NUP214: variants seen among roughly 807,000 people sequenced by gnomAD.
NUP214 encodes nuclear pore complex protein Nup214.
In NUP214, 79 loss-of-function variants were observed where a neutral mutation model predicts 196.2. The observed-to-expected ratio is 0.40, with a 90% confidence interval of 0.34 to 0.49. The LOEUF (loss-of-function observed/expected upper bound fraction) is 0.49. Among genes scored for constraint, NUP214 ranks in the 20% least tolerant of loss-of-function variants. The pLI, the probability that NUP214 is intolerant of heterozygous loss-of-function variation, is 0.58. For missense variants in NUP214, 2,468 were observed against 2,539.0 expected (o/e 0.97, Z 0.60); for synonymous variants, 1,020 against 990.5 (o/e 1.03, Z -0.56).
At chr9:131,130,696 C>G (rs1588121300) in intron 4 of NUP214, 70 bp from the exon 5 acceptor site, 1 of 1,298,186 alleles carries the variant, frequency 7.7e-7, no homozygotes, top group East Asian at 2.3e-5. Context: ...TGATAATTAG[C>G]TGTGTGTGAT....
intron 6 of NUP214, 110 bp downstream of exon 6, chr9:131,132,769 A>T: frequency 1.1e-6 from 1 of 928,602 alleles, no homozygotes; most frequent in South Asian, 1.5e-5. Context: ...TGTTTGCTTT[A>T]TGAATAATGT....
At chr9:131,172,123 C>G (rs1441767529) in intron 21 of NUP214, among the ~76,000 whole-genome samples, 1 of 150,412 alleles carries the variant, frequency 6.6e-6, no homozygotes, top group African/African-American at 2.4e-5. Flanking sequence ...CCTGAGGAAT[C>G]GCCACACTGA....
Position 131,163,263 on chromosome 9 carries a change from A to G in NUP214, c.2723+90A>G, listed in dbSNP as rs542010156. Reference sequence around the variant, plus strand: ...AGAGTGGTTCAGATATGGGTTTGCAAGTGACTCTGTGTCTCTCACCTGTGT... The same window carrying G: ...AGAGTGGTTCAGATATGGGTTTGCAGGTGACTCTGTGTCTCTCACCTGTGT... On this transcript the variant is annotated intron_variant, in intron 19 of 35. Coordinates refer to ENST00000359428, the MANE Select transcript of NUP214 (RefSeq NM_005085.4). 3.9e-6 allele frequency: 5 copies of G among 1,297,798 alleles called. No homozygotes were observed. In the African/African-American group the frequency reaches 5.9e-5, roughly 15 times the overall value. 80.4% of individuals were successfully genotyped at this position (1,297,798 alleles called of 1,614,324 possible).
chr9:131,142,492 T>C (rs1243883742), intron 11 of NUP214, among the ~76,000 whole-genome samples: 1 of 152,288 alleles, frequency 6.6e-6, no homozygotes, highest in Non-Finnish European at 1.5e-5. Context: ...TCCACCTGTT[T>C]CTACACTGCA....
intron 30 of NUP214, among the ~76,000 whole-genome samples, chr9:131,210,404 C>T (rs548312962): frequency 2.7e-5 from 4 of 148,874 alleles, no homozygotes; most frequent in African/African-American, 7.8e-5. Context: ...CCAAGGCGGG[C>T]GGATCACGAG....
chr9:131,207,692 G>A (rs1280210414), intron 30 of NUP214, among the ~76,000 whole-genome samples: 1 of 152,218 alleles, frequency 6.6e-6, no homozygotes, highest in Non-Finnish European at 1.5e-5. Context: ...GTGACTAGAA[G>A]TATTGCTGTG....
chr9:131,163,292 C>T (rs1832695829), intron 19 of NUP214, 119 bp downstream of exon 19: 1 of 1,026,412 alleles, frequency 9.7e-7, no homozygotes, highest in African/African-American at 1.6e-5. Flanking sequence ...CCTGTGTAAT[C>T]CTGGTCAGGG....
In NUP214 at chr9:131,234,570, C is replaced by T. The variant is rs1423079425; in HGVS notation, c.*1083C>T. ...GTGCTTTGGCTTGGGTCATGAGCAG[C>T]GGGGAGTTGGGAAGAGATTTTTTTT... On this transcript the variant is annotated 3_prime_UTR_variant, in exon 36 of 36. Transcript: ENST00000359428. 3 of 230,384 alleles carry T rather than the reference C, an allele frequency of 1.3e-5. No homozygotes were observed. The highest frequency in any genetic ancestry group is 2.6e-5 in the Non-Finnish European group (3 of 116,770). 14.3% of individuals were successfully genotyped at this position (230,384 alleles called of 1,614,324 possible).
intron 5 of NUP214, among the ~76,000 whole-genome samples, chr9:131,131,074 C>G (rs1831530809): frequency 6.6e-6 from 1 of 152,160 alleles, no homozygotes; most frequent in Non-Finnish European, 1.5e-5. Context: ...TACAAATAGT[C>G]TATGGGTAGC....
intron 24 of NUP214, among the ~76,000 whole-genome samples, chr9:131,186,492 C>G (rs1245760772): frequency 2.6e-5 from 4 of 152,140 alleles, no homozygotes; most frequent in African/African-American, 7.2e-5. Flanking sequence ...TAGGGGAGTT[C>G]TGAAAAATAA....
At chr9:131,167,870 G>T (rs1832831943) in intron 21 of NUP214, among the ~76,000 whole-genome samples, 3 of 152,046 alleles carry the variant, frequency 2.0e-5, no homozygotes, top group Admixed American at 2.0e-4. Flanking sequence ...TTATGTCTTG[G>T]TGAACAGAAG....
chr9:131,197,881 C>G lies in NUP214; in HGVS notation c.4387C>G (p.Pro1463Ala). Residue 1463 changes from proline to alanine, a missense_variant, in exon 29 of 36, where the codon CCC becomes GCC. Pro to Ala is a conservative substitution (Grantham distance 27). Coordinates refer to ENST00000359428, the MANE Select transcript of NUP214 (RefSeq NM_005085.4). The stretch of plus-strand genomic sequence containing the variant: ...CCCACCACCAACTACAGCTGCCACT[C>G]CCCTTCCAACATCATTCCCCACATT... ...SAPPPTTAAT[P>A]LPTSFPTLSF... 2 of 1,613,872 alleles carry G rather than the reference C, an allele frequency of 1.2e-6. No individual in the cohort carries two copies. The highest frequency in any genetic ancestry group is 1.7e-6 in the Non-Finnish European group (2 of 1,180,030).
chr9:131,154,485 C>T (rs1273406105), intron 17 of NUP214, among the ~76,000 whole-genome samples: 2 of 152,116 alleles, frequency 1.3e-5, no homozygotes, highest in Non-Finnish European at 2.9e-5. Context: ...GAGACAGTCT[C>T]ACTCTGTCAC....
chr9:131,142,727 G>A (rs1831956233), intron 11 of NUP214, among the ~76,000 whole-genome samples: 1 of 152,228 alleles, frequency 6.6e-6, no homozygotes, highest in Admixed American at 6.5e-5. Flanking sequence ...AGTATTAACA[G>A]AATAGGTTTG....
At chr9:131,222,285 G>A (rs1399357276) in intron 31 of NUP214, among the ~76,000 whole-genome samples, 1 of 152,236 alleles carries the variant, frequency 6.6e-6, no homozygotes, top group Non-Finnish European at 1.5e-5. Flanking sequence ...AAAGCAGGAG[G>A]TAAGTGCTAG....
intron 25 of NUP214, among the ~76,000 whole-genome samples, 197 bp downstream of exon 25, chr9:131,187,561 A>T (rs1323790787): frequency 6.6e-6 from 1 of 151,906 alleles, no homozygotes; most frequent in East Asian, 1.9e-4. Context: ...CAATTTTTGT[A>T]GTTTTAGTAG....
In NUP214 at chr9:131,195,261, C is replaced by T; in HGVS notation, c.3688C>T (p.Pro1230Ser). 2 of 1,613,448 alleles carry T rather than the reference C, an allele frequency of 1.2e-6. No homozygotes were observed. Among genetic ancestry groups the T allele is most frequent in the Middle Eastern group, 1.6e-4 (1 of 6,062 alleles). Reference sequence around the variant, plus strand: ...TGGCTTTAATTTTGGGATAATCACACCAACACCGTCTTCTAATTTCACTGC... The same window carrying T: ...TGGCTTTAATTTTGGGATAATCACATCAACACCGTCTTCTAATTTCACTGC... ...GTGFNFGIIT[P>S]TPSSNFTAAQ... The change falls in exon 28 of 36, where the codon CCA becomes TCA. Residue 1230 changes from proline (P) to serine (S), a missense_variant. Pro to Ser is a moderately conservative substitution (Grantham distance 74). Coordinates refer to ENST00000359428, the MANE Select transcript of NUP214 (RefSeq NM_005085.4).
chr9:131,226,933 A>G (rs1348576668), intron 32 of NUP214, among the ~76,000 whole-genome samples: 3 of 152,236 alleles, frequency 2.0e-5, no homozygotes, highest in Non-Finnish European at 4.4e-5. Flanking sequence ...TCATCCCTCT[A>G]ACAACAGATT....
chr9:131,213,974 A>G (rs1475868769), intron 30 of NUP214, among the ~76,000 whole-genome samples: 1 of 152,142 alleles, frequency 6.6e-6, no homozygotes, highest in Non-Finnish European at 1.5e-5. Flanking sequence ...GCCTTCTAGA[A>G]TTGGTAGACA....
Sources: gnomAD v4.1 joint callset for allele counts (sites outside exome capture counted in the v4.1 genomes callset) on GRCh38, gnomAD v4.1.1 for gene constraint, MANE v1.5 for transcripts, NCBI Gene and HGNC (gene_info 2026-07-23, HGNC 2026-07-21) for gene names.